The following ARID1B variants were observed in gnomAD, a reference collection of about 807,000 sequenced individuals.
ARID1B encodes the protein AT-rich interactive domain-containing protein 1B.
In ARID1B, 30 loss-of-function variants were observed where a neutral mutation model predicts 212.3. That is an observed-to-expected ratio of 0.14 (90% CI 0.11 to 0.19). The LOEUF (loss-of-function observed/expected upper bound fraction) is 0.19. Ranked by LOEUF, ARID1B falls within the 10% of genes least tolerant of loss-of-function variation. The probability of loss-of-function intolerance (pLI) is 1.00; values close to 1 mark genes in which losing one functional copy is unlikely to be tolerated. For synonymous variants in ARID1B, 1,402 were observed against 1,301.7 expected (o/e 1.08, Z -1.66); for missense variants, 2,891 against 3,204.0 (o/e 0.90, Z 2.36).
At chr6:157,166,149 T>C (rs956628136) in intron 8 of ARID1B, 21 of 152,258 alleles carry the variant, frequency 1.4e-4, no homozygotes, top group African/African-American at 4.8e-4. Flanking sequence ...ATCATTTCTG[T>C]TTTTAGGGCA....
chr6:157,013,759 AATTACATACC>A (rs1001900673), intron 4 of ARID1B, among the ~76,000 whole-genome samples: 4 of 152,194 alleles, frequency 2.6e-5, no homozygotes, highest in Non-Finnish European at 5.9e-5. Context: ...ACTATAGCCA[AATTACATACC>A]AGCACAAAGG....
intron 2 of ARID1B, among the ~76,000 whole-genome samples, chr6:156,853,045 C>G (rs1379008994): frequency 6.6e-6 from 1 of 152,184 alleles, no homozygotes; most frequent in South Asian, 2.1e-4. Context: ...ATCATTTGCA[C>G]ATACAGTGAT....
rs115126260 is a variant in ARID1B, at chr6:156,845,846, T to C, written c.1986+16425T>C. 2.3e-3 allele frequency among the ~76,000 whole-genome samples: 353 copies of C among 152,294 alleles called. 2 individuals are homozygous for C. Among genetic ancestry groups the C allele is most frequent in the African/African-American group, 7.7e-3 (319 of 41,560 alleles). Reference sequence around the variant, plus strand: ...TATGAACCTTATTAGTTGGGTGTTATAAGTCCTGGATTAATTCTTTAATTT... The same window carrying C: ...TATGAACCTTATTAGTTGGGTGTTACAAGTCCTGGATTAATTCTTTAATTT... On this transcript the variant is annotated intron_variant, in intron 2 of 19. Transcript: ENST00000636930.
At chr6:157,128,100 C>G (rs1788266848) in intron 6 of ARID1B, among the ~76,000 whole-genome samples, 1 of 152,126 alleles carries the variant, frequency 6.6e-6, no homozygotes, top group African/African-American at 2.4e-5. Flanking sequence ...GAGGAAACTG[C>G]TAATAGACAT....
intron 11 of ARID1B, among the ~76,000 whole-genome samples, chr6:157,176,262 G>C (rs986682413): frequency 1.3e-5 from 2 of 152,202 alleles, no homozygotes; most frequent in African/African-American, 4.8e-5. Context: ...AGCAGACAGT[G>C]CGCTTCTAGG....
rs111256301 is a variant in ARID1B at position 157,124,782 on chromosome 6, GA to G, written c.2582-8234del. ...ATATGTCTCTAAAGTGTGGATTGTTGAAAAAAAAAAAAGTTTGAAAGTGGCC... is the reference window on the plus strand; with the variant it reads ...ATATGTCTCTAAAGTGTGGATTGTTGAAAAAAAAAAAGTTTGAAAGTGGCC... On this transcript the variant is annotated intron_variant, in intron 6 of 19. Coordinates refer to ENST00000636930, the MANE Select transcript of ARID1B (RefSeq NM_001374828.1). Among the ~76,000 whole-genome samples, 1,015 of 143,760 alleles carry G rather than the reference GA, an allele frequency of 7.1e-3. 9 individuals carry two copies. The highest frequency in any genetic ancestry group is 0.012 in the East Asian group (59 of 4,998). The allele number at this position is 143,760 out of a possible 152,430, so 94.3% of individuals were successfully genotyped here.
At chr6:157,155,358 A>G (rs552202228) in intron 8 of ARID1B, among the ~76,000 whole-genome samples, 2 of 152,252 alleles carry the variant, frequency 1.3e-5, no homozygotes, top group East Asian at 3.9e-4. Flanking sequence ...ATTGACACGG[A>G]TAAAGGTGCA....
At chr6:157,092,854 C>T (rs1785362334) in intron 5 of ARID1B, among the ~76,000 whole-genome samples, 1 of 152,146 alleles carries the variant, frequency 6.6e-6, no homozygotes. Flanking sequence ...TCAGCAGTGA[C>T]TCATGTGTTT....
At chr6:156,964,842 A>G (rs577322545) in intron 4 of ARID1B, among the ~76,000 whole-genome samples, 5 of 152,170 alleles carry the variant, frequency 3.3e-5, no homozygotes, top group South Asian at 2.1e-4. Context: ...GTTCTTTTCT[A>G]TTTTAGCTTG....
chr6:156,794,771 G>A (rs1780245658), intron 1 of ARID1B, among the ~76,000 whole-genome samples: 1 of 151,616 alleles, frequency 6.6e-6, no homozygotes, highest in African/African-American at 2.4e-5. Context: ...GTAGAGACGG[G>A]GGTTTTGCCA....
At chr6:156,836,255 G>C (rs1783503502) in intron 2 of ARID1B, among the ~76,000 whole-genome samples, 1 of 152,116 alleles carries the variant, frequency 6.6e-6, no homozygotes, top group Non-Finnish European at 1.5e-5. Context: ...GTCTCCCGGG[G>C]CATTAAGAAA....
chr6:157,115,622 T>G (rs965304045), intron 6 of ARID1B, among the ~76,000 whole-genome samples: 2 of 152,130 alleles, frequency 1.3e-5, no homozygotes, highest in African/African-American at 4.8e-5. Context: ...AGAGATGGGG[T>G]TTCACCATGT....
chr6:156,893,443 CA>C (rs1266188864), intron 2 of ARID1B, among the ~76,000 whole-genome samples: 1 of 152,062 alleles, frequency 6.6e-6, no homozygotes, highest in Non-Finnish European at 1.5e-5. Context: ...TGGAGTACGT[CA>C]AAGTTTTAAA....
At chr6:157,110,426 A>G in intron 5 of ARID1B, 46 bp from the exon 6 acceptor site, 2 of 1,567,540 alleles carry the variant, frequency 1.3e-6, no homozygotes, top group Non-Finnish European at 1.8e-6. Context: ...TGCATTATTA[A>G]TGCAAAGGGT....
intron 3 of ARID1B, among the ~76,000 whole-genome samples, chr6:156,928,679 C>A (rs1469783587): frequency 6.6e-6 from 1 of 152,184 alleles, no homozygotes; most frequent in Non-Finnish European, 1.5e-5. Context: ...GGTAGAGGAT[C>A]CTTAAAGAAC....
At chr6:156,896,061 T>C (rs1024259692) in intron 2 of ARID1B, among the ~76,000 whole-genome samples, 2 of 152,256 alleles carry the variant, frequency 1.3e-5, no homozygotes, top group Non-Finnish European at 2.9e-5. Flanking sequence ...ACTCCTTTTT[T>C]ACTACTGTGT....
chr6:157,083,205 T>C (rs528979353), intron 4 of ARID1B, among the ~76,000 whole-genome samples: 137 of 152,308 alleles, frequency 9.0e-4, no homozygotes, highest in Admixed American at 1.6e-3. Flanking sequence ...AAATTTAACA[T>C]TGATAAAATT....
intron 4 of ARID1B, among the ~76,000 whole-genome samples, chr6:156,987,577 G>A (rs972996861): frequency 3.9e-5 from 6 of 152,154 alleles, no homozygotes; most frequent in Non-Finnish European, 5.9e-5. Context: ...TGATCCGCCC[G>A]CCTCGGCCTC....
At chr6:157,015,237 A>G (rs1779851239) in intron 4 of ARID1B, among the ~76,000 whole-genome samples, 1 of 152,238 alleles carries the variant, frequency 6.6e-6, no homozygotes, top group African/African-American at 2.4e-5. Context: ...ACAAGGAGAA[A>G]TGGATAAGTC....
Sources: allele counts gnomAD v4.1 joint callset (sites outside exome capture counted in the v4.1 genomes callset), GRCh38; gene constraint gnomAD v4.1.1; transcripts MANE v1.5; gene names NCBI Gene and HGNC (gene_info 2026-07-23, HGNC 2026-07-21).